Variants in DROSHA observed in about 807,000 individuals in gnomAD.
The protein encoded by DROSHA is drosha ribonuclease III.
In DROSHA, 56 loss-of-function variants were observed where a neutral mutation model predicts 181.9. The ratio of observed to expected loss-of-function variants is 0.31; its 90% CI spans 0.25 to 0.38. The LOEUF (loss-of-function observed/expected upper bound fraction) is 0.38. DROSHA is among the 10% of genes least tolerant of loss of function. The pLI is 1.00. For missense variants in DROSHA, 1,218 were observed against 1,743.5 expected, an observed-to-expected ratio of 0.70 and a Z score of 5.37; for synonymous variants, 524 against 591.2, an observed-to-expected ratio of 0.89 and a Z score of 1.65.
chr5:31,418,317 G>C (rs996067419), intron 30 of DROSHA, among the ~76,000 whole-genome samples: 1 of 151,958 alleles, frequency 6.6e-6, no homozygotes, highest in African/African-American at 2.4e-5. Flanking sequence ...GGAGAGTCTT[G>C]CTCTGTTGCC....
intron 17 of DROSHA, among the ~76,000 whole-genome samples, chr5:31,468,943 T>C (rs1268522439): frequency 6.6e-6 from 1 of 152,172 alleles, no homozygotes; most frequent in South Asian, 2.1e-4. Flanking sequence ...CTGGTTTCCC[T>C]GGGACAGAGG....
At chr5:31,473,223 C>T (rs1362586292) in intron 16 of DROSHA, among the ~76,000 whole-genome samples, 2 of 152,212 alleles carry the variant, frequency 1.3e-5, no homozygotes, top group Non-Finnish European at 2.9e-5. Context: ...GAGTGTCCTC[C>T]TTGGTCAGAG....
chr5:31,469,847 C>A (rs1580204024), intron 17 of DROSHA, among the ~76,000 whole-genome samples: 1 of 152,240 alleles, frequency 6.6e-6, no homozygotes, highest in East Asian at 1.9e-4. Flanking sequence ...AAAAGTATTC[C>A]TTGGAAGATT....
Position 31,446,402 on chromosome 5 carries a change from G to A in DROSHA, c.2882+2145C>T, listed in dbSNP as rs547616830. 1.2e-4 allele frequency among the ~76,000 whole-genome samples: 16 copies of A among 129,594 alleles called. 1 individual carries two copies. The highest frequency in any genetic ancestry group is 2.7e-4 in the Admixed American group (3 of 10,984). 85.0% of individuals were successfully genotyped at this position (129,594 alleles called of 152,430 possible). Reference sequence around the variant, plus strand: ...GTAGAGTTTGCAGTGAGCCGAGATCGTACCACTGCACTCCAGCCTGGGCGA... The same window carrying A: ...GTAGAGTTTGCAGTGAGCCGAGATCATACCACTGCACTCCAGCCTGGGCGA... On this transcript the variant is annotated intron_variant, in intron 23 of 35. Coordinates refer to ENST00000344624, the MANE Select transcript of DROSHA (RefSeq NM_001382508.1).
intron 13 of DROSHA, among the ~76,000 whole-genome samples, chr5:31,487,951 C>T (rs556202529): frequency 2.0e-5 from 3 of 152,112 alleles, no homozygotes; most frequent in Non-Finnish European, 4.4e-5. Flanking sequence ...CTAAAATAAG[C>T]TACGGGTCCT....
chr5:31,401,818 C>T (rs544671651), intron 35 of DROSHA, among the ~76,000 whole-genome samples: 1 of 152,094 alleles, frequency 6.6e-6, no homozygotes, highest in African/African-American at 2.4e-5. Context: ...TAGCAGGCAC[C>T]GAACATACAG....
Position 31,429,535 on chromosome 5 carries a change from G to C in DROSHA, c.3156C>G (p.Tyr1052Ter). The C allele has an allele frequency of 6.2e-7, 1 of 1,611,374 alleles. No homozygotes were observed. The highest frequency in any genetic ancestry group is 8.5e-7 in the Non-Finnish European group (1 of 1,178,406). Residue 1052 changes from tyrosine (Y) to a stop codon, truncating the protein, a stop_gained, in exon 27 of 36, where the codon TAC (tyrosine) becomes TAG (stop). Transcript: ENST00000344624. LOFTEE classifies it high-confidence loss of function. ...NCFEALIGAV[Y>*]LEGSLEEAKQ... ...TGGCTTCCTCCAGGCTTCCCTCCAA[G>C]TAAACAGCTCCTAGATGAAAAACAG...
intron 16 of DROSHA, among the ~76,000 whole-genome samples, chr5:31,482,838 G>A (rs1448864519): frequency 6.7e-6 from 1 of 149,600 alleles, no homozygotes; most frequent in Non-Finnish European, 1.5e-5. Context: ...TTAATTTTTA[G>A]AGATAGGGCC....
intron 35 of DROSHA, among the ~76,000 whole-genome samples, chr5:31,405,129 G>A (rs1224343765): frequency 6.6e-6 from 1 of 152,194 alleles, no homozygotes; most frequent in African/African-American, 2.4e-5. Context: ...CACTTTTGGA[G>A]GCCCAGGTGG....
At chr5:31,436,628 G>C (rs1368784443) in intron 24 of DROSHA, among the ~76,000 whole-genome samples, 2 of 151,938 alleles carry the variant, frequency 1.3e-5, no homozygotes, top group African/African-American at 4.8e-5. Context: ...CCTGACCTCA[G>C]GTGATCCACC....
At chr5:31,475,711 G>A (rs1233128361) in intron 16 of DROSHA, among the ~76,000 whole-genome samples, 1 of 152,068 alleles carries the variant, frequency 6.6e-6, no homozygotes, top group African/African-American at 2.4e-5. Flanking sequence ...ACACAATAGG[G>A]GTCTAAAATA....
In DROSHA at chr5:31,521,198, C is replaced by G; in HGVS notation, c.872G>C (p.Arg291Thr). 2 of 1,613,632 alleles carry G rather than the reference C, an allele frequency of 1.2e-6. No homozygotes were observed. Among genetic ancestry groups the G allele is most frequent in the Non-Finnish European group, 1.7e-6 (2 of 1,179,648 alleles). ...TCTTCGGTTGTCTCGATGCCTGTGT[C>G]TCTCCCGTTCTCGCTCTCTTAAAGG... ...YERSRERERERHRHRDNRRSP... is the reference protein window; with the variant it reads ...YERSRERERETHRHRDNRRSP... The change falls in exon 6 of 36, where the codon AGA becomes ACA. Residue 291 changes from arginine to threonine, a missense_variant. By Grantham distance (71) the Arg-to-Thr change is moderately conservative. Transcript: ENST00000344624.
chr5:31,459,980 G>C (rs973066043), intron 20 of DROSHA, among the ~76,000 whole-genome samples: 1 of 152,052 alleles, frequency 6.6e-6, no homozygotes, highest in Non-Finnish European at 1.5e-5. Context: ...CAAATTCTTT[G>C]CTCCTTTTTT....
chr5:31,501,728 G>A (rs1176200260), intron 11 of DROSHA, among the ~76,000 whole-genome samples: 1 of 152,150 alleles, frequency 6.6e-6, no homozygotes, highest in Non-Finnish European at 1.5e-5. Flanking sequence ...AACTGATTTG[G>A]TGAATGGGTT....
At chr5:31,405,228 T>C (rs1740496002) in intron 35 of DROSHA, among the ~76,000 whole-genome samples, 1 of 151,882 alleles carries the variant, frequency 6.6e-6, no homozygotes, top group African/African-American at 2.4e-5. Context: ...TTTAGCTGGG[T>C]GTGGTAGGAG....
chr5:31,458,804 T>A (rs910564258), intron 20 of DROSHA, among the ~76,000 whole-genome samples: 10 of 152,170 alleles, frequency 6.6e-5, no homozygotes, highest in African/African-American at 2.2e-4. Context: ...ATGCAACCAG[T>A]GATACTGGGC....
intron 23 of DROSHA, among the ~76,000 whole-genome samples, chr5:31,447,742 G>T (rs1186486561): frequency 1.3e-5 from 2 of 152,162 alleles, no homozygotes; most frequent in African/African-American, 4.8e-5. Context: ...ATAAGCACAT[G>T]AAAAGATGCT....
intron 33 of DROSHA, among the ~76,000 whole-genome samples, chr5:31,407,579 T>C (rs749475608): frequency 9.2e-5 from 14 of 152,202 alleles, no homozygotes; most frequent in Admixed American, 3.9e-4. Flanking sequence ...ACTAATAACT[T>C]CATGGAAAAG....
At position 31,411,248 on chromosome 5, in the gene DROSHA, T is replaced by TA. The variant is rs113909376; in HGVS notation, c.3526-362dup. Among the ~76,000 whole-genome samples the TA allele has an allele frequency of 3.9e-4, 59 of 152,328 alleles. No homozygotes were observed. The highest frequency in any genetic ancestry group is 1.4e-3 in the African/African-American group (58 of 41,578). On this transcript the variant is annotated intron_variant, in intron 30 of 35. Transcript: ENST00000344624. This position sits in a 1 kb window ranked among gnomAD's most constrained non-coding sequence, Gnocchi z 4.2. The stretch of plus-strand genomic sequence containing the variant: ...CAAAATAAGGAAGCATTAAGAGTGT[T>TA]AAAATCAATTTTATTAAAGTGTAAC...
Sources: allele counts gnomAD v4.1 joint callset (sites outside exome capture counted in the v4.1 genomes callset), GRCh38; gene constraint gnomAD v4.1.1; non-coding constraint Gnocchi (gnomAD v3.1); transcripts MANE v1.5; gene names NCBI Gene and HGNC (gene_info 2026-07-23, HGNC 2026-07-21).